CACNA1B: variants seen among roughly 807,000 people sequenced by gnomAD.
CACNA1B encodes the protein calcium voltage-gated channel subunit alpha1 B.
In CACNA1B, 70 loss-of-function variants were observed where a neutral mutation model predicts 247.2. The observed-to-expected ratio is 0.28, with a 90% CI of 0.23 to 0.35. The LOEUF (loss-of-function observed/expected upper bound fraction) is 0.35, where lower values mean the gene tolerates loss of function less well. CACNA1B is among the 10% of genes least tolerant of loss of function. The pLI, the probability that CACNA1B is intolerant of heterozygous loss-of-function variation, is 1.00. For missense variants in CACNA1B, 2,367 were observed against 3,197.4 expected, an observed-to-expected ratio of 0.74 and a Z score of 6.26; for synonymous variants, 1,231 against 1,294.4, an observed-to-expected ratio of 0.95 and a Z score of 1.05.
At chr9:138,094,747 A>G (rs1961003816) in intron 36 of CACNA1B, among the ~76,000 whole-genome samples, 2 of 152,222 alleles carry the variant, frequency 1.3e-5, no homozygotes, top group African/African-American at 4.8e-5. Flanking sequence ...ACATAGGCCA[A>G]TTAAGTAGAA....
At chr9:137,994,266 G>A (rs1293307892) in intron 15 of CACNA1B, among the ~76,000 whole-genome samples, 1 of 152,136 alleles carries the variant, frequency 6.6e-6, no homozygotes, top group Non-Finnish European at 1.5e-5. Context: ...AAGTTTGAAA[G>A]TATTCTCCCA....
chr9:138,116,130 C>G (rs905911924), intron 42 of CACNA1B, among the ~76,000 whole-genome samples: 1 of 152,248 alleles, frequency 6.6e-6, no homozygotes, highest in African/African-American at 2.4e-5. Context: ...TGCTCCTCAT[C>G]GGCCCTCCGT....
rs1436377270 is a variant in CACNA1B at position 137,986,695 on chromosome 9, G to C, written c.1902-87G>C. ...TGTGCAGCCATCTGCAGCCTGAAGC[G>C]AGCAGGTTGAGGCCACGCTGGAGCC... On this transcript the variant is annotated intron_variant, in intron 14 of 46. Transcript: ENST00000371372. The surrounding 1 kb of genome is among the most constrained non-coding windows in gnomAD (Gnocchi z 6.0). 31 of 1,393,994 alleles carry C rather than the reference G, an allele frequency of 2.2e-5. No homozygotes were observed. The East Asian group carries it at 6.2e-4, about 28-fold the overall frequency. 86.4% of individuals were successfully genotyped at this position (1,393,994 alleles called of 1,614,324 possible). A position where few individuals can be genotyped will look rare whatever the true frequency, so the allele number is the denominator to read the frequency against.
intron 34 of CACNA1B, 75 bp downstream of exon 34, chr9:138,074,141 T>C: frequency 9.9e-7 from 1 of 1,012,638 alleles, no homozygotes; most frequent in Non-Finnish European, 1.6e-6. Context: ...TGATCATGAT[T>C]GTCAAATCAT....
At chr9:137,900,745 G>T (rs1957227584) in intron 3 of CACNA1B, among the ~76,000 whole-genome samples, 1 of 148,826 alleles carries the variant, frequency 6.7e-6, no homozygotes, top group African/African-American at 2.5e-5. Flanking sequence ...TGTCTGTGCT[G>T]TGTGTCTCTC....
rs773651294 is a variant in CACNA1B at position 138,052,372 on chromosome 9, A to G, written c.3807+184A>G. 4.6e-5 allele frequency among the ~76,000 whole-genome samples: 7 copies of G among 152,244 alleles called. No individual in the cohort carries two copies. The highest frequency in any genetic ancestry group is 9.6e-5 in the African/African-American group (4 of 41,538). On this transcript the variant is annotated intron_variant, in intron 25 of 46. Coordinates refer to ENST00000371372, the MANE Select transcript of CACNA1B (RefSeq NM_000718.4). This position sits in a 1 kb window ranked among gnomAD's most constrained non-coding sequence, Gnocchi z 5.1. ...TACCCAAGTAGACCTTGTTCCCAGCAGCCTCCTGTGAGAATCCTCCTCCTT... is the reference window on the plus strand; with the variant it reads ...TACCCAAGTAGACCTTGTTCCCAGCGGCCTCCTGTGAGAATCCTCCTCCTT...
chr9:138,069,847 C>T, intron 32 of CACNA1B, 84 bp downstream of exon 32: 1 of 1,188,966 alleles, frequency 8.4e-7, no homozygotes. Flanking sequence ...TCCTGGGACT[C>T]CAGCCCACTG....
At chr9:137,976,186 G>T (rs1339291466) in intron 12 of CACNA1B, among the ~76,000 whole-genome samples, 167 bp downstream of exon 12, 2 of 152,270 alleles carry the variant, frequency 1.3e-5, no homozygotes, top group African/African-American at 4.8e-5. Context: ...CGGGAGGCCT[G>T]TCCTGGCGGG....
chr9:137,975,081 C>T (rs1045584264), intron 11 of CACNA1B, among the ~76,000 whole-genome samples: 2 of 152,142 alleles, frequency 1.3e-5, no homozygotes, highest in African/African-American at 2.4e-5. Context: ...TTCTTCTGTG[C>T]TGCTTCCCTC....
intron 18 of CACNA1B, among the ~76,000 whole-genome samples, chr9:138,015,117 G>C (rs1436595469): frequency 6.6e-6 from 1 of 152,092 alleles, no homozygotes; most frequent in Non-Finnish European, 1.5e-5. Flanking sequence ...GTCAGCTCCA[G>C]TGCCAGCATC....
intron 31 of CACNA1B, 32 bp from the exon 32 acceptor site, chr9:138,069,726 C>T (rs761990051): frequency 1.9e-6 from 3 of 1,580,904 alleles, no homozygotes; most frequent in East Asian, 4.5e-5. Context: ...AAATAATATG[C>T]AAATATCCAT....
intron 39 of CACNA1B, among the ~76,000 whole-genome samples, chr9:138,108,020 C>T (rs76196438): frequency 2.0e-5 from 3 of 147,172 alleles, no homozygotes; most frequent in Non-Finnish European, 4.5e-5. Context: ...AGTTTCAACA[C>T]CAGAGGACAA....
chr9:138,110,647 G>A (rs771101458), intron 39 of CACNA1B, among the ~76,000 whole-genome samples: 11 of 152,144 alleles, frequency 7.2e-5, no homozygotes, highest in Non-Finnish European at 1.6e-4. Flanking sequence ...CGGAAGGATT[G>A]CTTGAGCCCA....
chr9:138,040,562 G>A (rs1051073574), intron 20 of CACNA1B: 39 of 431,286 alleles, frequency 9.0e-5, no homozygotes, highest in Admixed American at 4.7e-4. Context: ...ACAATAGGCC[G>A]TCTGCAAGCT....
intron 10 of CACNA1B, among the ~76,000 whole-genome samples, chr9:137,966,888 A>G (rs1469859994): frequency 6.6e-6 from 1 of 151,930 alleles, no homozygotes; most frequent in East Asian, 1.9e-4. Context: ...TACGTTGCCC[A>G]GGATGATCCT....
intron 39 of CACNA1B, among the ~76,000 whole-genome samples, chr9:138,109,862 T>C (rs1426412646): frequency 6.6e-6 from 1 of 152,086 alleles, no homozygotes; most frequent in Non-Finnish European, 1.5e-5. Flanking sequence ...CCTGAGGTCA[T>C]GAGTTTGAGA....
At chr9:138,043,938 C>T (rs1157031656) in intron 21 of CACNA1B, 38 bp downstream of exon 21, 1 of 1,605,466 alleles carries the variant, frequency 6.2e-7, no homozygotes, top group South Asian at 1.1e-5. Context: ...TGGCCGCCCA[C>T]TCACCCATGC....
Position 138,120,806 on chromosome 9 carries a change from C to G in CACNA1B, c.6414C>G (p.Pro2138=), listed in dbSNP as rs1188825035. The part of the protein sequence containing the change: ...YSCDRFGGRE[P]PKPKPSLSSH... ...GCGACCGCTTTGGGGGCCGTGAGCC[C>G]CCGAAGCCCAAGCCCTCCCTCAGCA... The change falls in exon 46 of 47, where the codon CCC becomes CCG. Residue 2138 remains proline, a synonymous_variant. Coordinates refer to ENST00000371372, the MANE Select transcript of CACNA1B (RefSeq NM_000718.4). 1 of 1,560,858 alleles carries G rather than the reference C, an allele frequency of 6.4e-7. No homozygotes were observed. Among genetic ancestry groups the G allele is most frequent in the Non-Finnish European group, 8.7e-7 (1 of 1,152,764 alleles).
At chr9:137,902,278 A>C (rs2133260453) in intron 3 of CACNA1B, among the ~76,000 whole-genome samples, 1 of 152,232 alleles carries the variant, frequency 6.6e-6, no homozygotes, top group East Asian at 1.9e-4. Context: ...TAAGAAGGAA[A>C]ACACTGCTTC....
Sources: gnomAD v4.1 joint callset for allele counts (sites outside exome capture counted in the v4.1 genomes callset) on GRCh38, gnomAD v4.1.1 for gene constraint, Gnocchi (gnomAD v3.1) non-coding constraint, MANE v1.5 for transcripts, NCBI Gene and HGNC (gene_info 2026-07-23, HGNC 2026-07-21) for gene names.